Variants in PLSCR5 observed in about 807,000 individuals in gnomAD.
PLSCR5 encodes phospholipid scramblase family member 5.
In PLSCR5, 44 loss-of-function variants were observed where a neutral mutation model predicts 33.6. That is an observed-to-expected ratio of 1.31 (90% CI 1.03 to 1.69). The LOEUF is 1.69. Ranked by LOEUF, PLSCR5 falls within the 40% of genes most tolerant of loss-of-function variation. The pLI is 0.00. For synonymous variants in PLSCR5, 148 were observed against 112.3 expected, an observed-to-expected ratio of 1.32 and a Z score of -2.01; for missense variants, 375 against 318.7, an observed-to-expected ratio of 1.18 and a Z score of -1.34.
At chr3:146,593,371 G>C (rs1250665686) in intron 4 of PLSCR5, among the ~76,000 whole-genome samples, 1 of 152,052 alleles carries the variant, frequency 6.6e-6, no homozygotes, top group Non-Finnish European at 1.5e-5. Context: ...ATTATTACAG[G>C]TGTACTAAAT....
At chr3:146,579,813 G>T (rs1363706515) in intron 7 of PLSCR5, among the ~76,000 whole-genome samples, 1 of 151,996 alleles carries the variant, frequency 6.6e-6, no homozygotes, top group Non-Finnish European at 1.5e-5. Flanking sequence ...TGGAGGATAC[G>T]TGGGGCACAG....
At chr3:146,595,360 A>G (rs968486929) in intron 2 of PLSCR5, among the ~76,000 whole-genome samples, 2 of 152,194 alleles carry the variant, frequency 1.3e-5, no homozygotes, top group African/African-American at 4.8e-5. Flanking sequence ...GCTCATGCCT[A>G]TAAATCCAGT....
At chr3:146,583,236 A>G (rs148357681), downstream of PLSCR5, among the ~76,000 whole-genome samples, 508 of 152,268 alleles carry the variant, frequency 3.3e-3, 4 homozygotes, top group African/African-American at 0.012. Flanking sequence ...ATTGGATTAA[A>G]AGCTATCTCT....
At chr3:146,604,496 T>C (rs894901618) in intron 1 of PLSCR5, among the ~76,000 whole-genome samples, 2 of 152,162 alleles carry the variant, frequency 1.3e-5, no homozygotes, top group Non-Finnish European at 2.9e-5. Flanking sequence ...AATTTCAAGA[T>C]ATTTTTGCTT....
At chr3:146,601,747 ATGTT>A (rs2044817797) in intron 1 of PLSCR5, among the ~76,000 whole-genome samples, 1 of 152,138 alleles carries the variant, frequency 6.6e-6, no homozygotes, top group Non-Finnish European at 1.5e-5. Flanking sequence ...AAATTCATGA[ATGTT>A]TGTGTGTGGG....
chr3:146,591,152 G>T (rs1419147448), intron 5 of PLSCR5, among the ~76,000 whole-genome samples: 1 of 149,436 alleles, frequency 6.7e-6, no homozygotes, highest in Non-Finnish European at 1.5e-5. Flanking sequence ...ACATAATTTA[G>T]GTGATTCTAA....
At chr3:146,598,040 A>T (rs568933312) in intron 2 of PLSCR5, among the ~76,000 whole-genome samples, 2 of 152,222 alleles carry the variant, frequency 1.3e-5, no homozygotes, top group South Asian at 4.1e-4. Flanking sequence ...TTTTACTCTT[A>T]GATTTAATGT....
downstream of PLSCR5, among the ~76,000 whole-genome samples, chr3:146,585,403 G>A (rs1216736833): frequency 6.6e-6 from 1 of 151,966 alleles, no homozygotes; most frequent in South Asian, 2.1e-4. Flanking sequence ...GCATGCTTTG[G>A]TTTGTAAATA....
At chr3:146,589,183 G>T (rs1466301408) in intron 6 of PLSCR5, among the ~76,000 whole-genome samples, 4 of 152,068 alleles carry the variant, frequency 2.6e-5, no homozygotes, top group Non-Finnish European at 5.9e-5. Context: ...ATGGCAACTG[G>T]TACCTATTAA....
At chr3:146,588,802 A>G (rs1036816591) in intron 6 of PLSCR5, among the ~76,000 whole-genome samples, 9 of 152,206 alleles carry the variant, frequency 5.9e-5, no homozygotes, top group Admixed American at 2.6e-4. Flanking sequence ...TTTTTAGGAA[A>G]TGCACACTAA....
At position 146,590,883 on chromosome 3, in the gene PLSCR5, G is replaced by GT. The variant is rs1205253318; in HGVS notation, c.615+836dup. 6.6e-5 allele frequency among the ~76,000 whole-genome samples: 10 copies of GT among 151,932 alleles called. No individual in the cohort carries two copies. The East Asian group carries it at 1.9e-3, about 29-fold the overall frequency. ...CAATTAGGCTGTCTCCTCTACCTAA[G>GT]TTGTATGTCCAGGACAACCTGTTAA... On this transcript the variant is annotated intron_variant, in intron 5 of 7. Transcript: ENST00000443512.
chr3:146,600,433 C>T lies in PLSCR5; in HGVS notation c.44G>A (p.Gly15Asp). ...DAQNQRRGLP[G>D]FLPGAPDPDQ... ...TGGGTCTGGAGCTCCAGGAAGAAAA[C>T]CAGGCAGACCTCTTCTTTGGTTCTG... is the stretch of plus-strand genomic sequence containing the variant. The change falls in exon 2 of 8, where the codon GGT becomes GAT. Residue 15 changes from glycine to aspartate, a missense_variant. Physicochemically the swap from Gly to Asp is moderately conservative, Grantham distance 94. Coordinates refer to ENST00000443512, the MANE Select transcript of PLSCR5 (RefSeq NM_001085420.2). 1 of 1,601,024 alleles carries T rather than the reference C, an allele frequency of 6.2e-7. No individual in the cohort carries two copies. The highest frequency in any genetic ancestry group is 8.5e-7 in the Non-Finnish European group (1 of 1,172,188).
At chr3:146,595,343 C>T (rs963432290) in intron 2 of PLSCR5, among the ~76,000 whole-genome samples, 1 of 152,078 alleles carries the variant, frequency 6.6e-6, no homozygotes, top group Non-Finnish European at 1.5e-5. Context: ...CGGGGCTGGG[C>T]GCAGTGGCTC....
chr3:146,598,745 A>G (rs1216886695), intron 2 of PLSCR5, among the ~76,000 whole-genome samples: 2 of 152,198 alleles, frequency 1.3e-5, no homozygotes, highest in African/African-American at 2.4e-5. Flanking sequence ...GCAGCAGTTA[A>G]TCAACTCTAG....
intron 2 of PLSCR5, 61 bp from the exon 3 acceptor site, chr3:146,595,144 G>T: frequency 2.1e-6 from 2 of 968,292 alleles, no homozygotes; most frequent in Middle Eastern, 2.7e-4. Context: ...AACCTTTGGA[G>T]ATACTACTAG....
downstream of PLSCR5, among the ~76,000 whole-genome samples, chr3:146,583,372 T>G (rs559132066): frequency 1.6e-3 from 251 of 152,310 alleles, no homozygotes; most frequent in African/African-American, 5.8e-3. Context: ...TTTTTCCCAG[T>G]AAACACAGTA....
At chr3:146,578,431 C>G (rs907795073) in intron 7 of PLSCR5, among the ~76,000 whole-genome samples, 2 of 151,998 alleles carry the variant, frequency 1.3e-5, no homozygotes, top group African/African-American at 2.4e-5. Flanking sequence ...TAATTCAGGT[C>G]TTAAAGGAAT....
At position 146,595,095 on chromosome 3, in the gene PLSCR5, G is replaced by C. The variant is rs1334870537; in HGVS notation, c.190-12C>G. On this transcript the variant is annotated splice_polypyrimidine_tract_variant and intron_variant, in intron 2 of 7. Transcript: ENST00000443512. ...ATTATCAGGTCTAACTGTAAAGGAT[G>C]ACATAAAAGGAAATAAAAAGTATTA... 1.5e-6 allele frequency: 2 copies of C among 1,378,500 alleles called. No homozygotes were observed. The highest frequency in any genetic ancestry group is 1.9e-6 in the Non-Finnish European group (2 of 1,048,058). 85.4% of individuals were successfully genotyped at this position (1,378,500 alleles called of 1,614,324 possible).
rs747951369 is a variant in PLSCR5 at position 146,595,064 on chromosome 3, TGTATAATTATCAG to T, written c.196_208del (p.Leu66ThrfsTer9). 2.1e-6 allele frequency: 3 copies of T among 1,433,666 alleles called. No homozygotes were observed. Among genetic ancestry groups the T allele is most frequent in the East Asian group, 5.3e-5 (2 of 38,054 alleles). 88.8% of individuals were successfully genotyped at this position (1,433,666 alleles called of 1,614,324 possible). A position where few individuals can be genotyped will look rare whatever the true frequency, so the allele number is the denominator to read the frequency against. ...ACTTCCAAGCAGCTCCACCTGCTGG[TGTATAATTATCAG>T]GTCTAACTGTAAAGGATGACATAAA... On this transcript the variant is annotated frameshift_variant, in exon 3 of 8. Coordinates refer to ENST00000443512, the MANE Select transcript of PLSCR5 (RefSeq NM_001085420.2). LOFTEE classifies it high-confidence loss of function.
Sources: allele counts gnomAD v4.1 joint callset (sites outside exome capture counted in the v4.1 genomes callset), GRCh38; gene constraint gnomAD v4.1.1; transcripts MANE v1.5; gene names NCBI Gene and HGNC (gene_info 2026-07-23, HGNC 2026-07-21).